ATP10A: variants seen among roughly 807,000 people sequenced by gnomAD.
The protein encoded by ATP10A is ATPase phospholipid transporting 10A (putative).
ATP10A carries 111 observed loss-of-function variants against 147.8 expected under a neutral mutation model. The observed-to-expected ratio is 0.75, with a 90% CI of 0.64 to 0.88. ATP10A has a LOEUF of 0.88. Ranked by LOEUF, ATP10A falls within the 40% of genes least tolerant of loss-of-function variation. The pLI is 0.00. For missense variants in ATP10A, 1,927 were observed against 1,959.0 expected, an observed-to-expected ratio of 0.98 and a Z score of 0.31; for synonymous variants, 875 against 841.6, an observed-to-expected ratio of 1.04 and a Z score of -0.69.
intron 3 of ATP10A, among the ~76,000 whole-genome samples, chr15:25,733,314 G>A (rs557148620): frequency 1.5e-4 from 23 of 152,260 alleles, no homozygotes; most frequent in African/African-American, 5.3e-4. Context: ...CTGGGCATCA[G>A]GACTGGTATG....
At chr15:25,781,691 C>T (rs370949617) in intron 1 of ATP10A, among the ~76,000 whole-genome samples, 1 of 152,000 alleles carries the variant, frequency 6.6e-6, no homozygotes, top group African/African-American at 2.4e-5. Flanking sequence ...ATATTCATAC[C>T]ACTGAAGCTC....
intron 1 of ATP10A, among the ~76,000 whole-genome samples, chr15:25,819,586 GA>G (rs60720963): frequency 3.3e-5 from 5 of 149,778 alleles, no homozygotes; most frequent in South Asian, 2.1e-4. Context: ...GTACCCAAAT[GA>G]AAAAAAAAAT....
chr15:25,768,942 T>C (rs1889180629), intron 2 of ATP10A, among the ~76,000 whole-genome samples: 2 of 152,102 alleles, frequency 1.3e-5, no homozygotes, highest in South Asian at 4.1e-4. Flanking sequence ...ATGTCTTCCT[T>C]GAAGGAAATG....
chr15:25,785,246 T>G (rs1361046078), intron 1 of ATP10A, among the ~76,000 whole-genome samples: 1 of 151,512 alleles, frequency 6.6e-6, no homozygotes, highest in Admixed American at 6.6e-5. Flanking sequence ...TAAAGAGGAT[T>G]AAAGTTAGAA....
chr15:25,680,110 C>T lies in ATP10A; in HGVS notation c.3866+11G>A, dbSNP rs1471618550. The T allele has an allele frequency of 3.7e-6, 6 of 1,612,454 alleles. No homozygotes were observed. Among genetic ancestry groups the T allele is most frequent in the Non-Finnish European group, 5.1e-6 (6 of 1,179,472 alleles). On this transcript the variant is annotated intron_variant, in intron 20 of 20. Transcript: ENST00000555815. ...CGGGGCTCAGAGGCACTATCCCGCTCCGACACCCACCTGGGCAGCAGTGCA... is the reference window on the plus strand; with the variant it reads ...CGGGGCTCAGAGGCACTATCCCGCTTCGACACCCACCTGGGCAGCAGTGCA...
intron 2 of ATP10A, among the ~76,000 whole-genome samples, chr15:25,740,415 G>A (rs893967358): frequency 2.0e-5 from 3 of 152,204 alleles, no homozygotes; most frequent in African/African-American, 7.2e-5. Context: ...ACCTGTCTGG[G>A]TCTCTGGATG....
chr15:25,744,113 G>A (rs4271565), intron 2 of ATP10A, among the ~76,000 whole-genome samples: 15,929 of 151,972 alleles, frequency 0.1, 1,915 homozygotes, highest in East Asian at 0.25. Context: ...GGTGAACTGC[G>A]GGAAAGAGCT....
chr15:25,855,904 A>G (rs1332293912), intron 1 of ATP10A, among the ~76,000 whole-genome samples: 2 of 152,202 alleles, frequency 1.3e-5, no homozygotes, highest in Non-Finnish European at 2.9e-5. Flanking sequence ...TAATGCATTA[A>G]TGGAAAACTG....
At chr15:25,781,688 T>C (rs1889933812) in intron 1 of ATP10A, among the ~76,000 whole-genome samples, 1 of 151,956 alleles carries the variant, frequency 6.6e-6, no homozygotes, top group African/African-American at 2.4e-5. Flanking sequence ...AGAATATTCA[T>C]ACCACTGAAG....
chr15:25,803,577 G>A (rs1249645893), intron 1 of ATP10A, among the ~76,000 whole-genome samples: 1 of 152,190 alleles, frequency 6.6e-6, no homozygotes, highest in Non-Finnish European at 1.5e-5. Flanking sequence ...GCAGCCTCAA[G>A]TGGGCCAGTC....
intron 2 of ATP10A, among the ~76,000 whole-genome samples, chr15:25,762,896 G>C (rs1888832349): frequency 6.6e-6 from 1 of 152,106 alleles, no homozygotes; most frequent in African/African-American, 2.4e-5. Context: ...AAATATGTGT[G>C]GTTTATTTTA....
intron 1 of ATP10A, among the ~76,000 whole-genome samples, chr15:25,834,118 A>G (rs1892490768): frequency 6.6e-6 from 1 of 152,240 alleles, no homozygotes. Context: ...ATGTATATAT[A>G]TTTCAAAACA....
chr15:25,705,464 A>AC (rs368311882), intron 12 of ATP10A, among the ~76,000 whole-genome samples: 405 of 3,722 alleles, frequency 0.11, 6 homozygotes, highest in African/African-American at 0.18. Context: ...CAAAAAAAAA[A>AC]AACAAAAAAA....
At chr15:25,717,323 C>T (rs939295413) in intron 8 of ATP10A, among the ~76,000 whole-genome samples, 4 of 152,202 alleles carry the variant, frequency 2.6e-5, no homozygotes, top group Non-Finnish European at 5.9e-5. Context: ...ATTTATTTGA[C>T]CATCCCTTTA....
chr15:25,796,817 G>A (rs1049193183), intron 1 of ATP10A, among the ~76,000 whole-genome samples: 5 of 152,218 alleles, frequency 3.3e-5, no homozygotes, highest in African/African-American at 9.6e-5. Flanking sequence ...TGGCCTTGTA[G>A]AGGCCTTCCT....
chr15:25,831,527 A>T (rs1892355824), intron 1 of ATP10A, among the ~76,000 whole-genome samples: 1 of 152,224 alleles, frequency 6.6e-6, no homozygotes, highest in Non-Finnish European at 1.5e-5. Flanking sequence ...CAATATCCTC[A>T]TAATTCTTGG....
At chr15:25,701,768 GGCAATAACAT>G (rs1900674212) in intron 13 of ATP10A, 138 bp downstream of exon 13, 1 of 713,608 alleles carries the variant, frequency 1.4e-6, no homozygotes, top group Non-Finnish European at 2.2e-6. Flanking sequence ...CCTCTTCCAA[GGCAATAACAT>G]GCACATCCTA....
intron 2 of ATP10A, among the ~76,000 whole-genome samples, chr15:25,736,816 G>A (rs1357124466): frequency 1.3e-5 from 2 of 152,116 alleles, no homozygotes; most frequent in East Asian, 3.9e-4. Context: ...CACAATTAGT[G>A]GATTTCTTTT....
intron 2 of ATP10A, among the ~76,000 whole-genome samples, chr15:25,779,892 TGAG>T (rs2140701818): frequency 8.7e-6 from 1 of 114,586 alleles, no homozygotes; most frequent in South Asian, 2.7e-4. Context: ...ACAGAGTAAA[TGAG>T]GAAATCATGG....
Sources: allele counts gnomAD v4.1 joint callset (sites outside exome capture counted in the v4.1 genomes callset), GRCh38; gene constraint gnomAD v4.1.1; transcripts MANE v1.5; gene names NCBI Gene and HGNC (gene_info 2026-07-23, HGNC 2026-07-21).